The following ADAMTS3 variants were observed in gnomAD, a reference collection of about 807,000 sequenced individuals.
ADAMTS3 encodes the protein ADAM metallopeptidase with thrombospondin type 1 motif 3.
ADAMTS3 carries 73 observed loss-of-function variants against 129.0 expected under a neutral mutation model. That is an observed-to-expected ratio of 0.57 (90% CI 0.47 to 0.69). The LOEUF (loss-of-function observed/expected upper bound fraction) is 0.69, where lower values mean the gene tolerates loss of function less well. Ranked by LOEUF, ADAMTS3 falls within the 30% of genes least tolerant of loss-of-function variation. The pLI is 0.00. For missense variants in ADAMTS3, 1,457 were observed against 1,514.5 expected (o/e 0.96, Z 0.63); for synonymous variants, 477 against 510.8 (o/e 0.93, Z 0.89).
chr4:72,293,406 A>C (rs1347444587), intron 19 of ADAMTS3, among the ~76,000 whole-genome samples: 8 of 152,132 alleles, frequency 5.3e-5, no homozygotes, highest in Admixed American at 2.0e-4. Flanking sequence ...GATACAATAG[A>C]CATGATCAAG....
At chr4:72,465,494 C>T (rs116159044) in intron 3 of ADAMTS3, among the ~76,000 whole-genome samples, 2 of 151,702 alleles carry the variant, frequency 1.3e-5, no homozygotes, top group Admixed American at 6.6e-5. Context: ...AAAGTGGGGG[C>T]GATATGATCT....
chr4:72,408,469 A>G (rs961471483), intron 4 of ADAMTS3, among the ~76,000 whole-genome samples: 1 of 152,146 alleles, frequency 6.6e-6, no homozygotes, highest in Admixed American at 6.6e-5. Flanking sequence ...TCTCATAAAT[A>G]AATATTATGT....
intron 3 of ADAMTS3, among the ~76,000 whole-genome samples, chr4:72,545,168 GA>G (rs1721433599): frequency 6.6e-6 from 1 of 151,982 alleles, no homozygotes; most frequent in Non-Finnish European, 1.5e-5. Context: ...TCACAAAAGA[GA>G]AATACAGATT....
At chr4:72,464,659 T>C (rs1718870706) in intron 3 of ADAMTS3, among the ~76,000 whole-genome samples, 1 of 152,044 alleles carries the variant, frequency 6.6e-6, no homozygotes, top group African/African-American at 2.4e-5. Flanking sequence ...ATAAATCTAA[T>C]TCAGTCAAAT....
At position 72,530,053 on chromosome 4, in the gene ADAMTS3, T is replaced by C. The variant is rs1181194743; in HGVS notation, c.504+18425A>G. The stretch of plus-strand genomic sequence containing the variant: ...ATAAATATAATATATTATATTTATA[T>C]ATAATATGTTATATATAACATATTA... On this transcript the variant is annotated intron_variant, in intron 3 of 21. Transcript: ENST00000286657. Among the ~76,000 whole-genome samples, 4 of 4,924 alleles carry C rather than the reference T, an allele frequency of 8.1e-4. 1 individual carries two copies. The highest frequency in any genetic ancestry group is 4.5e-3 in the Admixed American group (1 of 224). The allele number at this position is 4,924 out of a possible 152,430, so 3.2% of individuals were successfully genotyped here. A position where few individuals can be genotyped will look rare whatever the true frequency, so the allele number is the denominator to read the frequency against.
intron 3 of ADAMTS3, among the ~76,000 whole-genome samples, chr4:72,528,094 C>A (rs1720861828): frequency 6.6e-6 from 1 of 152,086 alleles, no homozygotes; most frequent in African/African-American, 2.4e-5. Flanking sequence ...GCTCACAGAA[C>A]TACAAGTTGC....
chr4:72,516,104 C>T (rs1276282825), intron 3 of ADAMTS3, among the ~76,000 whole-genome samples: 3 of 152,120 alleles, frequency 2.0e-5, no homozygotes, highest in Non-Finnish European at 2.9e-5. Flanking sequence ...ATCCTTTCCC[C>T]ATTGCTTGTT....
At chr4:72,495,916 TTCTGG>T (rs1719863000) in intron 3 of ADAMTS3, among the ~76,000 whole-genome samples, 1 of 152,208 alleles carries the variant, frequency 6.6e-6, no homozygotes, top group South Asian at 2.1e-4. Context: ...ACAGCACTAT[TTCTGG>T]TCTACATCTT....
At chr4:72,466,608 C>T (rs547703187) in intron 3 of ADAMTS3, among the ~76,000 whole-genome samples, 1 of 151,984 alleles carries the variant, frequency 6.6e-6, no homozygotes, top group African/African-American at 2.4e-5. Flanking sequence ...ATGGTTTTGT[C>T]TTGGATGTAA....
At chr4:72,411,919 A>C (rs970631684) in intron 4 of ADAMTS3, among the ~76,000 whole-genome samples, 2 of 152,014 alleles carry the variant, frequency 1.3e-5, no homozygotes, top group Non-Finnish European at 2.9e-5. Flanking sequence ...ACTTGGTTCT[A>C]TCTCTCCATC....
At chr4:72,349,065 A>G (rs1004079801) in intron 4 of ADAMTS3, among the ~76,000 whole-genome samples, 1 of 152,014 alleles carries the variant, frequency 6.6e-6, no homozygotes, top group African/African-American at 2.4e-5. Context: ...GGGGTGATTT[A>G]TTACACAGTA....
At chr4:72,284,533 C>A (rs1015025544) in intron 21 of ADAMTS3, among the ~76,000 whole-genome samples, 1 of 151,922 alleles carries the variant, frequency 6.6e-6, no homozygotes, top group African/African-American at 2.4e-5. Context: ...TTTGAATGCA[C>A]AAATTTGGGT....
Position 72,418,298 on chromosome 4 carries a change from T to C in ADAMTS3, c.505-3327A>G, listed in dbSNP as rs184759352. Among the ~76,000 whole-genome samples the C allele has an allele frequency of 2.4e-3, 361 of 152,250 alleles. 1 individual carries two copies. The highest frequency in any genetic ancestry group is 0.017 in the Middle Eastern group (5 of 294). On this transcript the variant is annotated intron_variant, in intron 3 of 21. Transcript: ENST00000286657. ...TGTTACTGTCCACATGATCTACATA[T>C]TCACATAGTGTGGCAGCCAAAATTG...
At position 72,552,357 on chromosome 4, in the gene ADAMTS3, T is replaced by C. The variant is rs540628381; in HGVS notation, c.98-3473A>G. On this transcript the variant is annotated intron_variant, in intron 2 of 21. Transcript: ENST00000286657. The stretch of plus-strand genomic sequence containing the variant: ...TGTAGAAGATTCAATAAATATCAGC[T>C]ATTACTAATTTAAGTGTAAGTTAGC... Among the ~76,000 whole-genome samples the C allele has an allele frequency of 7.9e-5, 12 of 152,300 alleles. No homozygotes were observed. In the South Asian group the frequency reaches 2.5e-3, roughly 32 times the overall value.
chr4:72,395,535 A>T (rs570962644), intron 4 of ADAMTS3, among the ~76,000 whole-genome samples: 1 of 152,322 alleles, frequency 6.6e-6, no homozygotes, highest in South Asian at 2.1e-4. Flanking sequence ...AAATATAAAA[A>T]ATTTATATTT....
intron 2 of ADAMTS3, among the ~76,000 whole-genome samples, chr4:72,562,466 G>C (rs1388058924): frequency 6.6e-6 from 1 of 152,068 alleles, no homozygotes; most frequent in South Asian, 2.1e-4. Flanking sequence ...AATACTGTTA[G>C]GAAAATGATT....
At chr4:72,481,583 T>G (rs555140631) in intron 3 of ADAMTS3, among the ~76,000 whole-genome samples, 2 of 152,134 alleles carry the variant, frequency 1.3e-5, no homozygotes, top group South Asian at 4.1e-4. Context: ...AGTCATAAAA[T>G]CATAAGACTT....
chr4:72,537,935 A>G (rs976653770), intron 3 of ADAMTS3, among the ~76,000 whole-genome samples: 4 of 152,198 alleles, frequency 2.6e-5, no homozygotes, highest in Admixed American at 1.3e-4. Context: ...AAATATCAAG[A>G]AAGACATAAA....
At chr4:72,460,853 A>C (rs1578701207) in intron 3 of ADAMTS3, among the ~76,000 whole-genome samples, 3 of 151,864 alleles carry the variant, frequency 2.0e-5, no homozygotes, top group Non-Finnish European at 1.5e-5. Flanking sequence ...ACATTTGACT[A>C]ATAAATTTCT....
Sources: allele counts gnomAD v4.1 joint callset (sites outside exome capture counted in the v4.1 genomes callset), GRCh38; gene constraint gnomAD v4.1.1; transcripts MANE v1.5; gene names NCBI Gene and HGNC (gene_info 2026-07-23, HGNC 2026-07-21).